The following KDELR1 variants were observed in gnomAD, a reference collection of about 807,000 sequenced individuals.
The protein encoded by KDELR1 is ER lumen protein-retaining receptor 1.
A neutral mutation model predicts 25.5 loss-of-function variants in KDELR1; 16 were observed. That is an observed-to-expected ratio of 0.63 (90% CI 0.43 to 0.95). The LOEUF (loss-of-function observed/expected upper bound fraction) is 0.95. Ranked by LOEUF, KDELR1 falls within the 40% of genes least tolerant of loss-of-function variation. KDELR1 has a pLI of 0.00. For synonymous variants in KDELR1, 121 were observed against 115.0 expected, an observed-to-expected ratio of 1.05 and a Z score of -0.33; for missense variants, 159 against 265.2, an observed-to-expected ratio of 0.60 and a Z score of 2.78.
chr19:48,384,146 G>T lies in KDELR1; in HGVS notation c.604+84C>A. 1 of 1,531,450 alleles carries T rather than the reference G, an allele frequency of 6.5e-7. No homozygotes were observed. Among genetic ancestry groups the T allele is most frequent in the Non-Finnish European group, 8.9e-7 (1 of 1,119,120 alleles). The allele number at this position is 1,531,450 out of a possible 1,614,324, so 94.9% of individuals were successfully genotyped here. A position where few individuals can be genotyped will look rare whatever the true frequency, so the allele number is the denominator to read the frequency against. On this transcript the variant is annotated intron_variant, in intron 4 of 4. Transcript: ENST00000330720. This position sits in a 1 kb window ranked among gnomAD's most constrained non-coding sequence, Gnocchi z 4.6. ...AATGCTCCCTTCTTTGCATAATACA[G>T]GGGTAAGGAGACCCCAGTCCCCAGG...
At chr19:48,388,578 C>T (rs1014774570) in intron 3 of KDELR1, among the ~76,000 whole-genome samples, 4 of 151,822 alleles carry the variant, frequency 2.6e-5, no homozygotes, top group Non-Finnish European at 5.9e-5. Flanking sequence ...CTCAGCTACT[C>T]GGGAGGCTGA....
upstream of KDELR1, among the ~76,000 whole-genome samples, chr19:48,392,626 A>G (rs576373375): frequency 6.6e-6 from 1 of 152,160 alleles, no homozygotes; most frequent in Non-Finnish European, 1.5e-5. Context: ...TTTTTCAGGA[A>G]TGTGCACCTC....
At chr19:48,396,405 G>A (rs867015865), upstream of KDELR1, among the ~76,000 whole-genome samples, 41 of 152,064 alleles carry the variant, frequency 2.7e-4, 1 homozygote, top group Admixed American at 6.5e-4. Context: ...GGAGTGGGAC[G>A]CGGGGTCCCT....
At position 48,384,166 on chromosome 19, in the gene KDELR1, C is replaced by G. The variant is rs747842343; in HGVS notation, c.604+64G>C. On this transcript the variant is annotated intron_variant, in intron 4 of 4. Coordinates refer to ENST00000330720, the MANE Select transcript of KDELR1 (RefSeq NM_006801.3). This position sits in a 1 kb window ranked among gnomAD's most constrained non-coding sequence, Gnocchi z 4.6. ...ATACAGGGGTAAGGAGACCCCAGTCCCCAGGGAGGGCAGGAGCTGCAGAAA... is the reference window on the plus strand; with the variant it reads ...ATACAGGGGTAAGGAGACCCCAGTCGCCAGGGAGGGCAGGAGCTGCAGAAA... The G allele has an allele frequency of 1.9e-4, 302 of 1,592,536 alleles. No homozygotes were observed. The highest frequency in any genetic ancestry group is 2.5e-4 in the Non-Finnish European group (295 of 1,165,690).
In KDELR1 at chr19:48,390,404, A is replaced by T. The variant is rs1970536212; in HGVS notation, c.192+20T>A. ...TCCTCTGCCTCAGTGGGGGCCAGAG[A>T]GGTGGGGTGGAGCCTCTACCTTCAT... On this transcript the variant is annotated intron_variant, in intron 2 of 4. Coordinates refer to ENST00000330720, the MANE Select transcript of KDELR1 (RefSeq NM_006801.3). 1.3e-6 allele frequency: 2 copies of T among 1,571,498 alleles called. No homozygotes were observed. Among genetic ancestry groups the T allele is most frequent in the African/African-American group, 2.7e-5 (2 of 73,816 alleles).
upstream of KDELR1, among the ~76,000 whole-genome samples, chr19:48,395,289 G>A (rs1056220360): frequency 4.2e-5 from 6 of 142,150 alleles, no homozygotes; most frequent in African/African-American, 1.1e-4. Flanking sequence ...TCCCCCCATC[G>A]CGAGCCGGTC....
chr19:48,384,119 G>A lies in KDELR1; in HGVS notation c.604+111C>T. ...CCTGCCACCCCAGAAACCCGGCGAAGAAATGCTCCCTTCTTTGCATAATAC... is the reference window on the plus strand; with the variant it reads ...CCTGCCACCCCAGAAACCCGGCGAAAAAATGCTCCCTTCTTTGCATAATAC... On this transcript the variant is annotated intron_variant, in intron 4 of 4. Transcript: ENST00000330720. The surrounding 1 kb of genome is among the most constrained non-coding windows in gnomAD (Gnocchi z 4.6). The A allele has an allele frequency of 1.4e-6, 2 of 1,391,354 alleles. No homozygotes were observed. The highest frequency in any genetic ancestry group is 2.0e-6 in the Non-Finnish European group (2 of 1,018,818). 86.2% of individuals were successfully genotyped at this position (1,391,354 alleles called of 1,614,324 possible).
chr19:48,389,523 C>G, intron 3 of KDELR1, 30 bp downstream of exon 3: 1 of 1,613,054 alleles, frequency 6.2e-7, no homozygotes, highest in South Asian at 1.1e-5. Context: ...AACCATCCCC[C>G]CAAATAAGGA....
chr19:48,384,321 A>T lies in KDELR1; in HGVS notation c.513T>A (p.His171Gln). 1 of 1,614,250 alleles carries T rather than the reference A, an allele frequency of 6.2e-7. No individual in the cohort carries two copies. ...CGATGAGGTCGAAGAAGCCCTCGAA[A>T]TGGTAGCGCCAGATCCAGTTGAAGA... ...LYLFNWIWRY[H>Q]FEGFFDLIAI... Residue 171 changes from histidine (H) to glutamine (Q), a missense_variant, in exon 4 of 5, where the codon CAT becomes CAA. Physicochemically the swap from His to Gln is conservative, Grantham distance 24. Coordinates refer to ENST00000330720, the MANE Select transcript of KDELR1 (RefSeq NM_006801.3). The surrounding 1 kb of genome is among the most constrained non-coding windows in gnomAD (Gnocchi z 4.6).
At chr19:48,393,865 C>T (rs1403954203), upstream of KDELR1, among the ~76,000 whole-genome samples, 1 of 151,972 alleles carries the variant, frequency 6.6e-6, no homozygotes, top group Non-Finnish European at 1.5e-5. The surrounding 1 kb of genome is among the most constrained non-coding windows in gnomAD (Gnocchi z 5.6). Flanking sequence ...CTGCCATCTG[C>T]CCGGTGAGGA....
intron 3 of KDELR1, among the ~76,000 whole-genome samples, chr19:48,386,441 G>A (rs1251316752): frequency 3.0e-5 from 4 of 132,040 alleles, no homozygotes; most frequent in Non-Finnish European, 4.7e-5. Context: ...ATTCCATGCT[G>A]TTTGAATTTT....
At chr19:48,390,769 A>G (rs1044362315) in intron 1 of KDELR1, 3 of 512,578 alleles carry the variant, frequency 5.9e-6, no homozygotes, top group African/African-American at 1.9e-5. Context: ...GGGGCAGCCC[A>G]GGCCCCCGAA....
At position 48,384,264 on chromosome 19, in the gene KDELR1, G is replaced by A; in HGVS notation, c.570C>T (p.Leu190=). 6.2e-7 allele frequency: 1 copy of A among 1,614,218 alleles called. No individual in the cohort carries two copies. Among genetic ancestry groups the A allele is most frequent in the Non-Finnish European group, 8.5e-7 (1 of 1,180,048 alleles). The change falls in exon 4 of 5, where the codon CTC becomes CTT. Residue 190 remains leucine (L), a synonymous_variant. Coordinates refer to ENST00000330720, the MANE Select transcript of KDELR1 (RefSeq NM_006801.3). This position sits in a 1 kb window ranked among gnomAD's most constrained non-coding sequence, Gnocchi z 4.6. Reference sequence around the variant, plus strand: ...TATAGAGGTAGAAGAAATCGCAGTAGAGGACTGTCTGGACCAGGCCTGCCA... The same window carrying A: ...TATAGAGGTAGAAGAAATCGCAGTAAAGGACTGTCTGGACCAGGCCTGCCA... ...AIVAGLVQTV[L]YCDFFYLYIT...
chr19:48,386,110 CTTTTT>C (rs558516450), intron 3 of KDELR1, among the ~76,000 whole-genome samples: 1 of 138,424 alleles, frequency 7.2e-6, no homozygotes, highest in Non-Finnish European at 1.6e-5. Context: ...AGGTCTGTTG[CTTTTT>C]TTTTTTTTTT....
intron 1 of KDELR1, chr19:48,390,773 C>T: frequency 1.9e-6 from 1 of 513,442 alleles, no homozygotes; most frequent in East Asian, 3.4e-5. Context: ...CAGCCCAGGC[C>T]CCCGAAGCTA....
Position 48,391,289 on chromosome 19 carries a change from A to C in KDELR1, c.70T>G (p.Trp24Gly). The change falls in exon 1 of 5, where the codon TGG (tryptophan) becomes GGG (glycine). Residue 24 changes from tryptophan (W) to glycine (G), a missense_variant. Transcript: ENST00000330720. ...LAIILLLLKI[W>G]KSRSCAGISG... ...TCACCGGCGCACGAGCGGGACTTCC[A>C]GATTTTGAGCAGTAGCAAGATGATG... 3 of 1,557,706 alleles carry C rather than the reference A, an allele frequency of 1.9e-6. No individual in the cohort carries two copies. The highest frequency in any genetic ancestry group is 2.6e-6 in the Non-Finnish European group (3 of 1,150,484).
chr19:48,395,563 G>C (rs929073022), upstream of KDELR1, among the ~76,000 whole-genome samples: 1 of 152,000 alleles, frequency 6.6e-6, no homozygotes, highest in Non-Finnish European at 1.5e-5. Flanking sequence ...CGAGGTTGTG[G>C]GGGGAGCTGT....
rs778950124 is a variant in KDELR1 at position 48,384,384 on chromosome 19, G to A, written c.450C>T (p.His150=). The A allele has an allele frequency of 3.7e-5, 59 of 1,614,086 alleles. 1 individual carries two copies. The highest frequency in any genetic ancestry group is 1.6e-4 in the Middle Eastern group (1 of 6,084). ...GGTAAACGCCTAGCGCAAACAAGTA[G>A]TGGCTGGTGATGGTCTCCGCCTCGC... The part of the protein sequence containing the change: ...KTGEAETITS[H]YLFALGVYRT... Residue 150 remains histidine (H), a synonymous_variant, in exon 4 of 5, where the codon CAC becomes CAT. Coordinates refer to ENST00000330720, the MANE Select transcript of KDELR1 (RefSeq NM_006801.3). This position sits in a 1 kb window ranked among gnomAD's most constrained non-coding sequence, Gnocchi z 4.6.
At chr19:48,396,816 C>T in the KDELR1 span, among the ~76,000 whole-genome samples, 23 of 152,016 alleles carry the variant, frequency 1.5e-4, no homozygotes, top group Non-Finnish European at 2.6e-4. Flanking sequence ...CCTGCGCTAC[C>T]ATGGCAACCA....
Sources: gnomAD v4.1 joint callset for allele counts (sites outside exome capture counted in the v4.1 genomes callset) on GRCh38, gnomAD v4.1.1 for gene constraint, Gnocchi (gnomAD v3.1) non-coding constraint, MANE v1.5 for transcripts, NCBI Gene and HGNC (gene_info 2026-07-23, HGNC 2026-07-21) for gene names.